Variants in PDE1C observed in about 807,000 individuals in gnomAD.
PDE1C encodes the protein dual specificity calcium/calmodulin-dependent 3',5'-cyclic nucleotide phosphodiesterase 1C.
Under a neutral mutation model 93.1 loss-of-function variants are expected in PDE1C, and 62 were observed. The observed-to-expected ratio is 0.67, with a 90% CI of 0.54 to 0.82. The LOEUF (loss-of-function observed/expected upper bound fraction) is 0.82. Ranked by LOEUF, PDE1C falls within the 40% of genes least tolerant of loss-of-function variation. PDE1C has a pLI of 0.00. For synonymous variants in PDE1C, 325 were observed against 310.1 expected (o/e 1.05, Z -0.50); for missense variants, 742 against 884.6 (o/e 0.84, Z 2.04).
At chr7:32,128,000 A>G (rs1288469882) in intron 3 of PDE1C, among the ~76,000 whole-genome samples, 1 of 152,000 alleles carries the variant, frequency 6.6e-6, no homozygotes, top group African/African-American at 2.4e-5. Context: ...AAATACAATA[A>G]TGTTATACTA....
rs532979463 is a variant in PDE1C, at chr7:32,234,072, CAG to C, written c.86-24535_86-24534del. ...AATCTATCAGTCAAAGAGTAAATAT[CAG>C]GGGATATTTTAAGATATTTTGAACT... On this transcript the variant is annotated intron_variant, in intron 1 of 18. Transcript: ENST00000396193. 5.8e-3 allele frequency among the ~76,000 whole-genome samples: 876 copies of C among 151,878 alleles called. 4 individuals carry two copies. Among genetic ancestry groups the C allele is most frequent in the African/African-American group, 0.02 (838 of 41,462 alleles).
chr7:32,022,767 G>A (rs978853799), intron 2 of PDE1C, among the ~76,000 whole-genome samples: 2 of 151,156 alleles, frequency 1.3e-5, no homozygotes, highest in East Asian at 3.9e-4. Flanking sequence ...GACCTCCTGG[G>A]AAAGCCTTCT....
chr7:32,228,852 C>T (rs748997458), intron 1 of PDE1C, among the ~76,000 whole-genome samples: 1 of 152,198 alleles, frequency 6.6e-6, no homozygotes, highest in African/African-American at 2.4e-5. Context: ...TCTCCTGGGC[C>T]TCCCCACTGC....
intron 1 of PDE1C, among the ~76,000 whole-genome samples, chr7:32,263,998 A>G (rs1461795528): frequency 3.3e-5 from 5 of 152,134 alleles, no homozygotes; most frequent in Non-Finnish European, 5.9e-5. Context: ...CCCTTGCAAG[A>G]GTCTTTAAGG....
At chr7:31,703,629 C>T in the PDE1C span, among the ~76,000 whole-genome samples, 2 of 152,170 alleles carry the variant, frequency 1.3e-5, no homozygotes, top group Non-Finnish European at 2.9e-5. Context: ...TGGCAGTAAT[C>T]AAAATGGTAG....
intron 1 of PDE1C, among the ~76,000 whole-genome samples, chr7:32,376,659 G>T (rs1311666053): frequency 2.0e-5 from 3 of 152,122 alleles, no homozygotes; most frequent in African/African-American, 7.2e-5. Flanking sequence ...CTAAGAACAT[G>T]TCTCTTTGGA....
chr7:31,795,637 C>T (rs1785191330), intron 16 of PDE1C, among the ~76,000 whole-genome samples: 1 of 151,726 alleles, frequency 6.6e-6, no homozygotes, highest in Non-Finnish European at 1.5e-5. Flanking sequence ...TCATAATATA[C>T]TTTTATTTGA....
At chr7:32,150,039 C>T (rs1249637520) in intron 3 of PDE1C, among the ~76,000 whole-genome samples, 5 of 152,086 alleles carry the variant, frequency 3.3e-5, no homozygotes, top group African/African-American at 1.2e-4. Context: ...AAAGATCATC[C>T]CTCTTTGGAA....
chr7:31,951,730 C>A (rs1464228049), intron 2 of PDE1C, among the ~76,000 whole-genome samples: 1 of 152,162 alleles, frequency 6.6e-6, no homozygotes, highest in Non-Finnish European at 1.5e-5. Context: ...CCAAAGACAG[C>A]TACATCTCCC....
At chr7:32,212,298 G>A (rs1806105856) in intron 1 of PDE1C, among the ~76,000 whole-genome samples, 1 of 152,020 alleles carries the variant, frequency 6.6e-6, no homozygotes, top group East Asian at 1.9e-4. Context: ...CACTCAGCCG[G>A]GCCCTCCCTG....
At chr7:31,707,382 G>T in the PDE1C span, 1 of 1,049,838 alleles carries the variant, frequency 9.5e-7, no homozygotes, top group Non-Finnish European at 1.4e-6. Context: ...TTTTGTCATC[G>T]TCTGACTTGA....
chr7:32,299,343 C>T (rs1023382035), upstream of PDE1C: 29 of 985,644 alleles, frequency 2.9e-5, no homozygotes, highest in Non-Finnish European at 3.5e-5. Flanking sequence ...AAAATCGCCA[C>T]GCCCACTTCC....
chr7:31,714,596 G>A, the PDE1C span, among the ~76,000 whole-genome samples: 1 of 152,166 alleles, frequency 6.6e-6, no homozygotes, highest in Non-Finnish European at 1.5e-5. Context: ...ACCCAAGACT[G>A]GGAAGAAAAA....
chr7:31,652,430 T>A, the PDE1C span: 1 of 1,483,296 alleles, frequency 6.7e-7, no homozygotes, highest in Admixed American at 2.2e-5. Context: ...ATCGACCACC[T>A]CATAATGCCT....
chr7:31,638,057 A>G, the PDE1C span, among the ~76,000 whole-genome samples: 1 of 152,156 alleles, frequency 6.6e-6, no homozygotes, highest in East Asian at 1.9e-4. Flanking sequence ...TATTAAGCAG[A>G]GGGGCTCCCA....
the PDE1C span, among the ~76,000 whole-genome samples, chr7:31,660,432 C>G: frequency 6.6e-6 from 1 of 152,036 alleles, no homozygotes; most frequent in Admixed American, 6.6e-5. Flanking sequence ...ATAGAAATTT[C>G]TTTTAAATCA....
intron 11 of PDE1C, among the ~76,000 whole-genome samples, chr7:31,835,327 T>G (rs539664915): frequency 6.6e-6 from 1 of 152,166 alleles, no homozygotes; most frequent in East Asian, 1.9e-4. Context: ...AAACAGCCTT[T>G]GGAAAAATAG....
rs952246816 is a variant in PDE1C at position 32,056,751 on chromosome 7, A to G, written c.102-5171T>C. Among the ~76,000 whole-genome samples, 3 of 152,196 alleles carry G rather than the reference A, an allele frequency of 2.0e-5. No individual in the cohort carries two copies. In the South Asian group the frequency reaches 6.2e-4, roughly 32 times the overall value. ...GCATTATAATTCAGTAGGTTTTCAA[A>G]ACTTACTTGATCAAAAATCTTTCAT... On this transcript the variant is annotated intron_variant, in intron 1 of 17. Coordinates refer to ENST00000396191, the MANE Select transcript of PDE1C (RefSeq NM_001191057.4).
intron 2 of PDE1C, among the ~76,000 whole-genome samples, chr7:31,972,052 G>T (rs117737883): frequency 0.013 from 1,904 of 152,154 alleles, 20 homozygotes; most frequent in Non-Finnish European, 0.021. Context: ...CCTAACCCTG[G>T]CTGATATCCA....
Sources: allele counts gnomAD v4.1 joint callset (sites outside exome capture counted in the v4.1 genomes callset), GRCh38; gene constraint gnomAD v4.1.1; transcripts MANE v1.5; gene names NCBI Gene and HGNC (gene_info 2026-07-23, HGNC 2026-07-21).